Variants in VAV3 observed in about 807,000 individuals in gnomAD.
VAV3 encodes the protein guanine nucleotide exchange factor VAV3.
Under a neutral mutation model 131.2 loss-of-function variants are expected in VAV3, and 94 were observed. The ratio of observed to expected loss-of-function variants is 0.72; its 90% confidence interval spans 0.61 to 0.85. The LOEUF is 0.85. VAV3 is among the 40% of genes least tolerant of loss of function. VAV3 has a pLI of 0.00. For synonymous variants in VAV3, 349 were observed against 342.0 expected, an observed-to-expected ratio of 1.02 and a Z score of -0.22; for missense variants, 939 against 1,002.7, an observed-to-expected ratio of 0.94 and a Z score of 0.86.
chr1:107,797,799 G>A (rs1186872753), intron 2 of VAV3, among the ~76,000 whole-genome samples: 2 of 152,104 alleles, frequency 1.3e-5, no homozygotes, highest in Non-Finnish European at 2.9e-5. Context: ...CTTTTATATA[G>A]AGCAGTGTCC....
rs560137046 is a variant in VAV3 at position 107,690,745 on chromosome 1, C to G, written c.1706-2339G>C. Among the ~76,000 whole-genome samples, 6 of 152,256 alleles carry G rather than the reference C, an allele frequency of 3.9e-5. No individual in the cohort carries two copies. The South Asian group carries it at 1.2e-3, about 32-fold the overall frequency. ...GGAAAAATTGAAAAGGGGCTTTGTG[C>G]TGGATGCAACTCCAAGGGCATGAGT... On this transcript the variant is annotated intron_variant, in intron 17 of 26. Coordinates refer to ENST00000370056, the MANE Select transcript of VAV3 (RefSeq NM_006113.5).
intron 15 of VAV3, among the ~76,000 whole-genome samples, chr1:107,707,462 G>A (rs1660521530): frequency 6.6e-6 from 1 of 152,146 alleles, no homozygotes; most frequent in African/African-American, 2.4e-5. Flanking sequence ...CCCATATTTG[G>A]TGTTCAATCA....
At chr1:107,880,236 A>G (rs1670701278) in intron 1 of VAV3, among the ~76,000 whole-genome samples, 1 of 152,206 alleles carries the variant, frequency 6.6e-6, no homozygotes. Flanking sequence ...GATGAGTGGG[A>G]GTCACCTACA....
intron 15 of VAV3, among the ~76,000 whole-genome samples, chr1:107,737,309 T>C (rs1316795780): frequency 6.6e-6 from 1 of 152,002 alleles, no homozygotes; most frequent in East Asian, 1.9e-4. Context: ...GGACTTCATG[T>C]CTAAAACACC....
intron 1 of VAV3, among the ~76,000 whole-genome samples, chr1:107,953,125 A>C (rs1674636215): frequency 6.6e-6 from 1 of 152,122 alleles, no homozygotes; most frequent in Non-Finnish European, 1.5e-5. Context: ...GGGAAACTTC[A>C]CCGAATCTGG....
chr1:107,933,106 G>A (rs1043335817), intron 1 of VAV3, among the ~76,000 whole-genome samples: 1 of 152,184 alleles, frequency 6.6e-6, no homozygotes, highest in Non-Finnish European at 1.5e-5. Context: ...TGAAACGTGT[G>A]TGAATATATT....
chr1:107,787,734 T>C (rs10494075), intron 2 of VAV3, among the ~76,000 whole-genome samples: 12,644 of 152,260 alleles, frequency 0.083, 801 homozygotes, highest in East Asian at 0.27. Flanking sequence ...TATTTCTTAT[T>C]TGATTAAAAG....
At chr1:107,767,028 A>G (rs1204875702) in intron 7 of VAV3, among the ~76,000 whole-genome samples, 2 of 152,226 alleles carry the variant, frequency 1.3e-5, no homozygotes, top group Non-Finnish European at 2.9e-5. Flanking sequence ...AAACTGTCCA[A>G]GTGCCTAATG....
At chr1:107,891,533 A>G (rs1219943783) in intron 1 of VAV3, among the ~76,000 whole-genome samples, 1 of 152,102 alleles carries the variant, frequency 6.6e-6, no homozygotes, top group Non-Finnish European at 1.5e-5. Flanking sequence ...AACTTAGTGT[A>G]GTCATTAAGA....
Position 107,846,009 on chromosome 1 carries a change from A to G in VAV3, c.321+28892T>C, listed in dbSNP as rs1172137173. Among the ~76,000 whole-genome samples, 3 of 152,210 alleles carry G rather than the reference A, an allele frequency of 2.0e-5. No homozygotes were observed. The East Asian group carries it at 5.8e-4, about 29-fold the overall frequency. On this transcript the variant is annotated intron_variant, in intron 2 of 26. Coordinates refer to ENST00000370056, the MANE Select transcript of VAV3 (RefSeq NM_006113.5). ...AAGACAAATAATTATCAGATCCCCAAGGCAGAAATGAAGGAAAAAATGTTA... is the reference window on the plus strand; with the variant it reads ...AAGACAAATAATTATCAGATCCCCAGGGCAGAAATGAAGGAAAAAATGTTA...
intron 19 of VAV3, among the ~76,000 whole-genome samples, chr1:107,649,723 T>C (rs1656016747): frequency 6.6e-6 from 1 of 152,134 alleles, no homozygotes; most frequent in African/African-American, 2.4e-5. Flanking sequence ...TTAAGGGCAC[T>C]TTGCAAGAAC....
At chr1:107,800,356 A>G (rs570726964) in intron 2 of VAV3, among the ~76,000 whole-genome samples, 6 of 152,230 alleles carry the variant, frequency 3.9e-5, no homozygotes, top group Admixed American at 2.6e-4. Context: ...ACCAGCATCC[A>G]TTATTCCCTG....
chr1:107,776,385 C>T (rs1665358304), intron 4 of VAV3, among the ~76,000 whole-genome samples: 1 of 152,124 alleles, frequency 6.6e-6, no homozygotes, highest in African/African-American at 2.4e-5. Flanking sequence ...TTGGCAAATG[C>T]TGTAAAAACA....
At chr1:107,926,375 G>A (rs578047589) in intron 1 of VAV3, among the ~76,000 whole-genome samples, 1 of 152,276 alleles carries the variant, frequency 6.6e-6, no homozygotes, top group East Asian at 1.9e-4. Context: ...ATAATGGGTA[G>A]GGGGTAGAGC....
chr1:107,819,284 G>A (rs1332211506), intron 2 of VAV3, among the ~76,000 whole-genome samples: 3 of 152,004 alleles, frequency 2.0e-5, no homozygotes, highest in African/African-American at 4.8e-5. Context: ...GGGAGGGAGA[G>A]AAGAAACAAT....
At chr1:107,855,717 A>G (rs1014175734) in intron 2 of VAV3, among the ~76,000 whole-genome samples, 3 of 152,332 alleles carry the variant, frequency 2.0e-5, no homozygotes, top group Admixed American at 2.0e-4. Context: ...CAATAAATCT[A>G]ATAGTATGAG....
intron 15 of VAV3, among the ~76,000 whole-genome samples, chr1:107,747,676 A>C (rs1398649324): frequency 6.6e-6 from 1 of 152,182 alleles, no homozygotes; most frequent in Non-Finnish European, 1.5e-5. Flanking sequence ...TAGAATTTGA[A>C]ATAAATATCA....
intron 1 of VAV3, among the ~76,000 whole-genome samples, chr1:107,911,172 C>T (rs1279213483): frequency 2.6e-5 from 4 of 152,020 alleles, no homozygotes; most frequent in South Asian, 2.1e-4. Flanking sequence ...TTTCCTATTA[C>T]GAAAAGAGTA....
chr1:107,699,614 C>T (rs901410801), intron 17 of VAV3, among the ~76,000 whole-genome samples: 1 of 152,236 alleles, frequency 6.6e-6, no homozygotes, highest in South Asian at 2.1e-4. Flanking sequence ...TTCTGTACTG[C>T]CCTAGCAGAG....
Sources: allele counts gnomAD v4.1 joint callset (sites outside exome capture counted in the v4.1 genomes callset), GRCh38; gene constraint gnomAD v4.1.1; transcripts MANE v1.5; gene names NCBI Gene and HGNC (gene_info 2026-07-23, HGNC 2026-07-21).